CD36: variants seen among roughly 807,000 people sequenced by gnomAD.
CD36 encodes the protein CD36 molecule (CD36 blood group).
In CD36, 119 loss-of-function variants were observed where a neutral mutation model predicts 55.2. The observed-to-expected ratio is 2.15, with a 90% CI of 1.86 to 2.51. The LOEUF is 2.51. Among genes scored for constraint, CD36 ranks in the 30% most tolerant of loss-of-function variants. The probability of loss-of-function intolerance (pLI) is 0.00; values close to 1 mark genes in which losing one functional copy is unlikely to be tolerated. For missense variants in CD36, 819 were observed against 555.5 expected (o/e 1.47, Z -4.77); for synonymous variants, 186 against 193.6 (o/e 0.96, Z 0.33).
Position 80,674,149 on chromosome 7 carries a change from T to A in CD36, c.*2T>A, listed in dbSNP as rs746275252. On this transcript the variant is annotated splice_donor_variant, in intron 14 of 14. Coordinates refer to ENST00000447544, the MANE Select transcript of CD36 (RefSeq NM_001001548.3). LOFTEE classifies it low-confidence loss of function (3UTR_SPLICE). Reference sequence around the variant, plus strand: ...TGCAGATCGAAAACAATAAAATAAGTAAGTATGTACCAAAAAATATTGCTT... The same window carrying A: ...TGCAGATCGAAAACAATAAAATAAGAAAGTATGTACCAAAAAATATTGCTT... 7 of 1,599,002 alleles carry A rather than the reference T, an allele frequency of 4.4e-6. No homozygotes were observed. Among genetic ancestry groups the A allele is most frequent in the African/African-American group, 1.4e-5 (1 of 73,360 alleles).
chr7:80,632,697 A>T (rs74481713), intron 1 of CD36, among the ~76,000 whole-genome samples: 2 of 151,958 alleles, frequency 1.3e-5, no homozygotes, highest in Non-Finnish European at 2.9e-5. Context: ...AATAAGAAAA[A>T]CCTAATATTT....
At chr7:80,668,607 G>A (rs1239725383) in intron 8 of CD36, among the ~76,000 whole-genome samples, 1 of 152,108 alleles carries the variant, frequency 6.6e-6, no homozygotes, top group Admixed American at 6.5e-5. Context: ...TAGTTGCTGG[G>A]TATAATTAGG....
intron 2 of CD36, 89 bp from the exon 3 acceptor site, chr7:80,646,563 T>C: frequency 2.8e-6 from 2 of 714,898 alleles, no homozygotes; most frequent in Non-Finnish European, 4.7e-6. Flanking sequence ...ACGGGCAAAA[T>C]GATACGTTTC....
intron 1 of CD36, among the ~76,000 whole-genome samples, chr7:80,633,024 C>T (rs1002451297): frequency 6.6e-6 from 1 of 151,914 alleles, no homozygotes; most frequent in Non-Finnish European, 1.5e-5. Context: ...CCTGCTATTT[C>T]ATCACACCAT....
At chr7:80,659,033 T>G (rs1310725880) in intron 4 of CD36, among the ~76,000 whole-genome samples, 1 of 152,176 alleles carries the variant, frequency 6.6e-6, no homozygotes, top group Non-Finnish European at 1.5e-5. Flanking sequence ...TAAATAGCTC[T>G]TTCTGTAACA....
intron 8 of CD36, among the ~76,000 whole-genome samples, chr7:80,669,286 C>G (rs979612026): frequency 6.6e-6 from 1 of 152,114 alleles, no homozygotes; most frequent in Non-Finnish European, 1.5e-5. Flanking sequence ...CCATATGTAA[C>G]TGTTAAGGAC....
At chr7:80,654,901 G>T (rs533194573) in intron 3 of CD36, among the ~76,000 whole-genome samples, 8 of 149,694 alleles carry the variant, frequency 5.3e-5, no homozygotes, top group African/African-American at 2.0e-4. Flanking sequence ...AAAAAAGACA[G>T]TCATAGCATG....
chr7:80,636,473 C>T (rs187462796), upstream of CD36, among the ~76,000 whole-genome samples: 143 of 148,824 alleles, frequency 9.6e-4, no homozygotes, highest in Non-Finnish European at 1.6e-3. Context: ...AACTAGGGCC[C>T]GGTAGCCTGA....
At chr7:80,642,384 T>C (rs1794879348) in intron 1 of CD36, among the ~76,000 whole-genome samples, 1 of 152,168 alleles carries the variant, frequency 6.6e-6, no homozygotes, top group South Asian at 2.1e-4. Flanking sequence ...TTTTTTATGC[T>C]TTAGACAGCT....
At chr7:80,614,243 T>G (rs1793026859) in intron 1 of CD36, among the ~76,000 whole-genome samples, 1 of 152,212 alleles carries the variant, frequency 6.6e-6, no homozygotes. Flanking sequence ...ATCCGTATTG[T>G]GGAGAAACAA....
chr7:80,668,338 A>T (rs998645394), intron 8 of CD36, among the ~76,000 whole-genome samples: 1 of 152,178 alleles, frequency 6.6e-6, no homozygotes, highest in Admixed American at 6.6e-5. Context: ...ACAAACTAGG[A>T]AAAGAGGGAA....
In CD36 at chr7:80,677,367, G is replaced by T. The variant is rs1798195055; in HGVS notation, c.*984G>T. On this transcript the variant is annotated 3_prime_UTR_variant, in exon 15 of 15. Transcript: ENST00000447544. Reference sequence around the variant, plus strand: ...GAAAGGGAAGATAAACCAAATTCTAGCTTGTGTTTTACCCACAGAAGGATA... The same window carrying T: ...GAAAGGGAAGATAAACCAAATTCTATCTTGTGTTTTACCCACAGAAGGATA... 1 of 152,134 alleles carries T rather than the reference G, an allele frequency of 6.6e-6. No homozygotes were observed. Among genetic ancestry groups the T allele is most frequent in the South Asian group, 2.1e-4 (1 of 4,830 alleles). The allele number at this position is 152,134 out of a possible 1,614,324, so 9.4% of individuals were successfully genotyped here.
upstream of CD36, among the ~76,000 whole-genome samples, chr7:80,635,818 A>C (rs188692821): frequency 5.6e-4 from 86 of 152,264 alleles, 1 homozygote; most frequent in Admixed American, 2.5e-3. Flanking sequence ...TGGTATGAAG[A>C]AGCAGCATAA....
chr7:80,657,379 T>C (rs555248793), intron 4 of CD36, among the ~76,000 whole-genome samples: 1 of 152,382 alleles, frequency 6.6e-6, no homozygotes, highest in Non-Finnish European at 1.5e-5. Flanking sequence ...GATGTTTACA[T>C]TGATCTATTT....
chr7:80,659,117 G>T (rs1452751810), intron 4 of CD36, among the ~76,000 whole-genome samples: 1 of 152,054 alleles, frequency 6.6e-6, no homozygotes, highest in African/African-American at 2.4e-5. Context: ...TTTATTGTTT[G>T]CCTGAGTGCC....
At chr7:80,669,798 G>C (rs1797472875) in intron 8 of CD36, among the ~76,000 whole-genome samples, 155 bp from the exon 9 acceptor site, 1 of 152,098 alleles carries the variant, frequency 6.6e-6, no homozygotes, top group Non-Finnish European at 1.5e-5. Context: ...TGCCTGGCCG[G>C]TTATTTCTTT....
intron 8 of CD36, among the ~76,000 whole-genome samples, chr7:80,668,101 T>TAAAGC (rs1797299244): frequency 6.6e-6 from 1 of 152,112 alleles, no homozygotes; most frequent in Non-Finnish European, 1.5e-5. Flanking sequence ...ATTTTCTAAG[T>TAAAGC]AAAGCATTTC....
chr7:80,671,305 A>G (rs894213477), intron 10 of CD36, 141 bp downstream of exon 10: 27 of 611,746 alleles, frequency 4.4e-5, no homozygotes, highest in Middle Eastern at 4.4e-4. Flanking sequence ...GAACTTTACC[A>G]TAATCCTTTA....
intron 12 of CD36, 81 bp from the exon 13 acceptor site, chr7:80,673,274 A>ATTTATGAACATTTATT: frequency 1.5e-6 from 1 of 683,776 alleles, no homozygotes; most frequent in East Asian, 2.9e-5. Context: ...ACAGCAACTA[A>ATTTATGAACATTTATT]TTTATGAACA....
Sources: allele counts gnomAD v4.1 joint callset (sites outside exome capture counted in the v4.1 genomes callset), GRCh38; gene constraint gnomAD v4.1.1; transcripts MANE v1.5; gene names NCBI Gene and HGNC (gene_info 2026-07-23, HGNC 2026-07-21).